The following GNL1 variants were observed in gnomAD, a reference collection of about 807,000 sequenced individuals.
GNL1 encodes guanine nucleotide-binding protein-like 1.
A neutral mutation model predicts 75.2 loss-of-function variants in GNL1; 21 were observed. The observed-to-expected ratio is 0.28, with a 90% CI of 0.20 to 0.40. GNL1 has a LOEUF of 0.40. GNL1 is among the 10% of genes least tolerant of loss of function. GNL1 has a pLI of 1.00. For missense variants in GNL1, 579 were observed against 775.0 expected (o/e 0.75, Z 3.00); for synonymous variants, 287 against 303.4 (o/e 0.95, Z 0.56).
At chr6:30,550,375 G>A (rs1006616742) in intron 8 of GNL1, among the ~76,000 whole-genome samples, 10 of 151,962 alleles carry the variant, frequency 6.6e-5, no homozygotes, top group African/African-American at 2.4e-4. Context: ...AGTTGCTCAA[G>A]ACAAAAACCT....
intron 8 of GNL1, among the ~76,000 whole-genome samples, chr6:30,551,131 T>C (rs1327908516): frequency 1.3e-5 from 2 of 152,186 alleles, no homozygotes; most frequent in African/African-American, 4.8e-5. Flanking sequence ...ACATATTTGT[T>C]GAATGGGTAA....
At position 30,552,420 on chromosome 6, in the gene GNL1, T is replaced by G. The variant is rs770239997; in HGVS notation, c.1099+47A>C. 3.3e-6 allele frequency: 5 copies of G among 1,499,044 alleles called. No homozygotes were observed. The highest frequency in any genetic ancestry group is 4.6e-6 in the Non-Finnish European group (5 of 1,086,448). The allele number at this position is 1,499,044 out of a possible 1,614,324, so 92.9% of individuals were successfully genotyped here. ...CTCTCTCTTCTCCGAATATGAAAAC[T>G]CTGTACCTCCTTGGAGGCCACCACG... On this transcript the variant is annotated intron_variant, in intron 8 of 11. Coordinates refer to ENST00000376621, the MANE Select transcript of GNL1 (RefSeq NM_005275.5). This position sits in a 1 kb window ranked among gnomAD's most constrained non-coding sequence, Gnocchi z 4.5.
In GNL1 at chr6:30,547,433, C is replaced by T. The variant is rs746695497; in HGVS notation, c.1197G>A (p.Gln399=). ...SRTPGHTRYF[Q]TYFLTPSVKL... is the part of the protein sequence containing the mutation. ...TCACAGAGGGGGTAAGAAAGTAGGT[C>T]TGAAAGTATCGGGTATGGCCCGGGG... Residue 399 remains glutamine (Q), a synonymous_variant, in exon 9 of 12, where the codon CAG becomes CAA. Transcript: ENST00000376621. The surrounding 1 kb of genome is among the most constrained non-coding windows in gnomAD (Gnocchi z 5.5). 23 of 1,613,958 alleles carry T rather than the reference C, an allele frequency of 1.4e-5. No homozygotes were observed. Among genetic ancestry groups the T allele is most frequent in the Middle Eastern group, 3.3e-4 (2 of 6,084 alleles).
chr6:30,554,841 T>A lies in GNL1; in HGVS notation c.451A>T (p.Ser151Cys), dbSNP rs1429963513. 1 of 1,612,226 alleles carries A rather than the reference T, an allele frequency of 6.2e-7. No homozygotes were observed. Among genetic ancestry groups the A allele is most frequent in the Non-Finnish European group, 8.5e-7 (1 of 1,179,290 alleles). ...KEQLMSQEERSFQDYLGKIHG... is the reference protein window; with the variant it reads ...KEQLMSQEERCFQDYLGKIHG... ...ATCTTCCCAAGATAGTCTTGGAAGCTCCGTTCCTCTTGGCTCATTAGTTGC... is the reference window on the plus strand; with the variant it reads ...ATCTTCCCAAGATAGTCTTGGAAGCACCGTTCCTCTTGGCTCATTAGTTGC... The change falls in exon 4 of 12, where the codon AGC (serine) becomes TGC (cysteine). Residue 151 changes from serine (S) to cysteine (C), a missense_variant. Physicochemically the swap from Ser to Cys is moderately radical, Grantham distance 112. Coordinates refer to ENST00000376621, the MANE Select transcript of GNL1 (RefSeq NM_005275.5).
chr6:30,545,771 G>C lies in GNL1; in HGVS notation c.*301C>G. 1 of 399,064 alleles carries C rather than the reference G, an allele frequency of 2.5e-6. No individual in the cohort carries two copies. The highest frequency in any genetic ancestry group is 4.5e-6 in the Non-Finnish European group (1 of 224,380). 24.7% of individuals were successfully genotyped at this position (399,064 alleles called of 1,614,324 possible). A position where few individuals can be genotyped will look rare whatever the true frequency, so the allele number is the denominator to read the frequency against. ...ACCTCCCCTCCCCATGTAGATAACGGGATTCCTAAGGTGCAGAGTGGGAGA... is the reference window on the plus strand; with the variant it reads ...ACCTCCCCTCCCCATGTAGATAACGCGATTCCTAAGGTGCAGAGTGGGAGA... On this transcript the variant is annotated 3_prime_UTR_variant, in exon 12 of 12. Transcript: ENST00000376621.
intron 6 of GNL1, 29 bp downstream of exon 6, chr6:30,553,321 C>G: frequency 2.5e-6 from 4 of 1,577,648 alleles, no homozygotes; most frequent in Non-Finnish European, 3.5e-6. Flanking sequence ...TCACCTCTCC[C>G]AAGTTGCCCT....
Position 30,553,149 on chromosome 6 carries a change from C to T in GNL1, c.839G>A (p.Gly280Glu). 1 of 1,613,822 alleles carries T rather than the reference C, an allele frequency of 6.2e-7. No individual in the cohort carries two copies. Among genetic ancestry groups the T allele is most frequent in the East Asian group, 2.2e-5 (1 of 44,882 alleles). Reference sequence around the variant, plus strand: ...CTCTGGCCCCAGGGCCCGAGTCCATCCTCTCCCCCGCCTCCGACTCTTCTT... The same window carrying T: ...CTCTGGCCCCAGGGCCCGAGTCCATTCTCTCCCCCGCCTCCGACTCTTCTT... ...VLKKSRRRGR[G>E]WTRALGPEQL... is the part of the protein sequence containing the mutation. Residue 280 changes from glycine to glutamate, a missense_variant, in exon 7 of 12, where the codon GGA becomes GAA. Gly to Glu is a moderately conservative substitution (Grantham distance 98). Coordinates refer to ENST00000376621, the MANE Select transcript of GNL1 (RefSeq NM_005275.5).
At position 30,555,208 on chromosome 6, in the gene GNL1, C is replaced by T. The variant is rs769083914; in HGVS notation, c.240-17G>A. ...AGTCGGTATCTAAGGGAACAGGGAC[C>T]GAGACATCCAGAGCAATCCTGTGGC... is the stretch of plus-strand genomic sequence containing the variant. On this transcript the variant is annotated splice_polypyrimidine_tract_variant and intron_variant, in intron 2 of 11. Coordinates refer to ENST00000376621, the MANE Select transcript of GNL1 (RefSeq NM_005275.5). The surrounding 1 kb of genome is among the most constrained non-coding windows in gnomAD (Gnocchi z 4.3). 3.7e-6 allele frequency: 6 copies of T among 1,612,958 alleles called. No homozygotes were observed. Among genetic ancestry groups the T allele is most frequent in the South Asian group, 3.3e-5 (3 of 91,084 alleles).
Position 30,555,613 on chromosome 6 carries a change from G to A in GNL1, c.181C>T (p.Arg61Cys). 4 of 1,614,092 alleles carry A rather than the reference G, an allele frequency of 2.5e-6. No individual in the cohort carries two copies. The highest frequency in any genetic ancestry group is 1.1e-5 in the South Asian group (1 of 91,088). ...TGAGAAGGCTGCTGGTTAAGCCTGC[G>A]GATATGATGGGTCACAGACTCCCCG... ...SDGESVTHHI[R>C]RLNQQPSQGL... is the part of the protein sequence containing the mutation. The change falls in exon 2 of 12, where the codon CGC (arginine) becomes TGC (cysteine). Residue 61 changes from arginine to cysteine, a missense_variant. Coordinates refer to ENST00000376621, the MANE Select transcript of GNL1 (RefSeq NM_005275.5). This position sits in a 1 kb window ranked among gnomAD's most constrained non-coding sequence, Gnocchi z 4.3.
intron 8 of GNL1, among the ~76,000 whole-genome samples, chr6:30,551,080 TC>T (rs1252573505): frequency 6.6e-6 from 1 of 152,170 alleles, no homozygotes; most frequent in Non-Finnish European, 1.5e-5. Context: ...CAGCAGTATG[TC>T]CCATCCCTAG....
chr6:30,552,696 C>A lies in GNL1; in HGVS notation c.905-35G>T. 1 of 1,581,886 alleles carries A rather than the reference C, an allele frequency of 6.3e-7. No homozygotes were observed. Among genetic ancestry groups the A allele is most frequent in the South Asian group, 1.1e-5 (1 of 87,490 alleles). On this transcript the variant is annotated intron_variant, in intron 7 of 11. Transcript: ENST00000376621. The surrounding 1 kb of genome is among the most constrained non-coding windows in gnomAD (Gnocchi z 4.5). ...GAAGGAGAAGATTAAAGAGGTTCTC[C>A]CCAGGGCTGCTGTGCATGATGGCAC...
chr6:30,555,847 C>T lies in GNL1; in HGVS notation c.74-127G>A. The T allele has an allele frequency of 9.6e-7, 1 of 1,039,240 alleles. No individual in the cohort carries two copies. The highest frequency in any genetic ancestry group is 1.4e-6 in the Non-Finnish European group (1 of 711,632). The allele number at this position is 1,039,240 out of a possible 1,614,324, so 64.4% of individuals were successfully genotyped here. ...CCGATGTTCAGTCCTCCCAGACACC[C>T]TATTTGGGACCCTCCCGGATGTGCG... On this transcript the variant is annotated intron_variant, in intron 1 of 11. Coordinates refer to ENST00000376621, the MANE Select transcript of GNL1 (RefSeq NM_005275.5). This position sits in a 1 kb window ranked among gnomAD's most constrained non-coding sequence, Gnocchi z 4.3.
chr6:30,555,776 C>T lies in GNL1; in HGVS notation c.74-56G>A, dbSNP rs202079398. The T allele has an allele frequency of 9.6e-6, 15 of 1,559,012 alleles. No homozygotes were observed. Among genetic ancestry groups the T allele is most frequent in the Non-Finnish European group, 1.3e-5 (15 of 1,137,776 alleles). The stretch of plus-strand genomic sequence containing the variant: ...GGCCAGCTCTCAGGGGCCATAAGAC[C>T]CTCTCCCCCATCGGCCTGACTCCCT... On this transcript the variant is annotated intron_variant, in intron 1 of 11. Transcript: ENST00000376621. The surrounding 1 kb of genome is among the most constrained non-coding windows in gnomAD (Gnocchi z 4.3).
At position 30,546,258 on chromosome 6, in the gene GNL1, C is replaced by T; in HGVS notation, c.1638G>A (p.Val546=). The change falls in exon 12 of 12, where the codon GTG becomes GTA. Residue 546 remains valine, a synonymous_variant. Transcript: ENST00000376621. The surrounding 1 kb of genome is among the most constrained non-coding windows in gnomAD (Gnocchi z 5.1). ...TTELVVLQGR[V]GPAGDEEEEE... ...CCTCCTCCTCGTCACCTGCTGGCCC[C>T]ACCCTGCCCTGCAAAACCACCAGCT... 1 of 1,591,798 alleles carries T rather than the reference C, an allele frequency of 6.3e-7. No homozygotes were observed. Among genetic ancestry groups the T allele is most frequent in the South Asian group, 1.1e-5 (1 of 88,254 alleles).
rs1800078359 is a variant in GNL1 at position 30,555,318 on chromosome 6, C to T, written c.240-127G>A. 2 of 1,164,630 alleles carry T rather than the reference C, an allele frequency of 1.7e-6. No individual in the cohort carries two copies. Among genetic ancestry groups the T allele is most frequent in the East Asian group, 2.4e-5 (1 of 42,420 alleles). 72.1% of individuals were successfully genotyped at this position (1,164,630 alleles called of 1,614,324 possible). On this transcript the variant is annotated intron_variant, in intron 2 of 11. Coordinates refer to ENST00000376621, the MANE Select transcript of GNL1 (RefSeq NM_005275.5). This position sits in a 1 kb window ranked among gnomAD's most constrained non-coding sequence, Gnocchi z 4.3. ...GTCGTTCAAGTCTCCTCTCTCAAGT[C>T]AGACTTCCCCCAAGTCCTTCTTTCA...
Position 30,546,618 on chromosome 6 carries a change from C to G in GNL1, c.1582+78G>C. 1.6e-6 allele frequency: 2 copies of G among 1,216,616 alleles called. No individual in the cohort carries two copies. The highest frequency in any genetic ancestry group is 4.8e-5 in the East Asian group (2 of 41,928). 75.4% of individuals were successfully genotyped at this position (1,216,616 alleles called of 1,614,324 possible). On this transcript the variant is annotated intron_variant, in intron 11 of 11. Transcript: ENST00000376621. The surrounding 1 kb of genome is among the most constrained non-coding windows in gnomAD (Gnocchi z 5.1). The stretch of plus-strand genomic sequence containing the variant: ...AACAGGTACAGAATCCAGGTTTGAC[C>G]CTCTCTCTGGCCACAAAGCCCACAC...
In GNL1 at chr6:30,545,303, G is replaced by C. The variant is rs747971665; in HGVS notation, c.*769C>G. 6.6e-6 allele frequency: 1 copy of C among 152,132 alleles called. No homozygotes were observed. The highest frequency in any genetic ancestry group is 1.9e-4 in the East Asian group (1 of 5,200). The allele number at this position is 152,132 out of a possible 1,614,324, so 9.4% of individuals were successfully genotyped here. On this transcript the variant is annotated 3_prime_UTR_variant, in exon 12 of 12. Transcript: ENST00000376621. ...TGTTCACCAGTAATTAAAACTACTC[G>C]TACACATTTAATCAACATTTTCACA...
rs758474924 is a variant in GNL1 at position 30,546,601 on chromosome 6, C to T, written c.1582+95G>A. The T allele has an allele frequency of 1.3e-5, 13 of 1,027,536 alleles. No individual in the cohort carries two copies. Among genetic ancestry groups the T allele is most frequent in the Non-Finnish European group, 1.7e-5 (12 of 688,244 alleles). 63.7% of individuals were successfully genotyped at this position (1,027,536 alleles called of 1,614,324 possible). A position where few individuals can be genotyped will look rare whatever the true frequency, so the allele number is the denominator to read the frequency against. On this transcript the variant is annotated intron_variant, in intron 11 of 11. Transcript: ENST00000376621. This position sits in a 1 kb window ranked among gnomAD's most constrained non-coding sequence, Gnocchi z 5.1. ...AAGTAACAGAGCTAGCCAACAGGTA[C>T]AGAATCCAGGTTTGACCCTCTCTCT...
chr6:30,546,982 A>G lies in GNL1; in HGVS notation c.1441+130T>C. On this transcript the variant is annotated intron_variant, in intron 10 of 11. Coordinates refer to ENST00000376621, the MANE Select transcript of GNL1 (RefSeq NM_005275.5). The surrounding 1 kb of genome is among the most constrained non-coding windows in gnomAD (Gnocchi z 5.1). Reference sequence around the variant, plus strand: ...GCTATGCAACAAAAATCTAGGGGTGAGTGGACAGCAGCTTCATCAATGGCA... The same window carrying G: ...GCTATGCAACAAAAATCTAGGGGTGGGTGGACAGCAGCTTCATCAATGGCA... 9.2e-7 allele frequency: 1 copy of G among 1,091,486 alleles called. No individual in the cohort carries two copies. Among genetic ancestry groups the G allele is most frequent in the South Asian group, 1.3e-5 (1 of 75,602 alleles). The allele number at this position is 1,091,486 out of a possible 1,614,324, so 67.6% of individuals were successfully genotyped here. A position where few individuals can be genotyped will look rare whatever the true frequency, so the allele number is the denominator to read the frequency against.
Sources: gnomAD v4.1 joint callset for allele counts (sites outside exome capture counted in the v4.1 genomes callset) on GRCh38, gnomAD v4.1.1 for gene constraint, Gnocchi (gnomAD v3.1) non-coding constraint, MANE v1.5 for transcripts, NCBI Gene and HGNC (gene_info 2026-07-23, HGNC 2026-07-21) for gene names.